The following JAG2 variants were observed in gnomAD, a reference collection of about 807,000 sequenced individuals.
The protein encoded by JAG2 is protein jagged-2.
JAG2 carries 46 observed loss-of-function variants against 141.7 expected under a neutral mutation model. The observed-to-expected ratio is 0.32, with a 90% confidence interval of 0.26 to 0.42. The LOEUF is 0.42. Ranked by LOEUF, JAG2 falls within the 10% of genes least tolerant of loss-of-function variation. The pLI is 1.00. For synonymous variants in JAG2, 862 were observed against 763.5 expected (o/e 1.13, Z -2.13); for missense variants, 1,500 against 1,817.5 (o/e 0.83, Z 3.18).
chr14:105,163,930 T>C (rs1236777174), intron 2 of JAG2, among the ~76,000 whole-genome samples: 1 of 152,010 alleles, frequency 6.6e-6, no homozygotes, highest in East Asian at 1.9e-4. Flanking sequence ...GATCCTTGTC[T>C]TCCTGCCCCC....
intron 15 of JAG2, 34 bp from the exon 16 acceptor site, chr14:105,148,473 G>A (rs200067093): frequency 2.0e-5 from 31 of 1,528,268 alleles, no homozygotes; most frequent in African/African-American, 4.1e-5. Context: ...CGGGCGGGGG[G>A]TCACCGGCGC....
At position 105,151,813 on chromosome 14, in the gene JAG2, C is replaced by A. The variant is rs1265880061; in HGVS notation, c.1040-74G>T. 6 of 1,600,944 alleles carry A rather than the reference C, an allele frequency of 3.7e-6. No individual in the cohort carries two copies. In the East Asian group the frequency reaches 1.3e-4, roughly 36 times the overall value. ...TTCCACAAGCACTCCTCCCCAAGCCCACAGGTTCCCAAGCTGGGGGTCAGG... is the reference window on the plus strand; with the variant it reads ...TTCCACAAGCACTCCTCCCCAAGCCAACAGGTTCCCAAGCTGGGGGTCAGG... On this transcript the variant is annotated intron_variant, in intron 7 of 25. Coordinates refer to ENST00000331782, the MANE Select transcript of JAG2 (RefSeq NM_002226.5).
In JAG2 at chr14:105,167,716, G is replaced by A. The variant is rs1368085759; in HGVS notation, c.417+41C>T. ...AGCGCGCGGGGCCGGGGCGCGGAGA[G>A]AGAGGGAAGGGCTGGAGCACGAGGG... On this transcript the variant is annotated intron_variant, in intron 2 of 25. Transcript: ENST00000331782. This position sits in a 1 kb window ranked among gnomAD's most constrained non-coding sequence, Gnocchi z 4.8. The A allele has an allele frequency of 3.6e-6, 5 of 1,395,214 alleles. No individual in the cohort carries two copies. Among genetic ancestry groups the A allele is most frequent in the East Asian group, 3.2e-5 (1 of 30,872 alleles). The allele number at this position is 1,395,214 out of a possible 1,614,324, so 86.4% of individuals were successfully genotyped here.
At chr14:105,143,747 A>C in intron 24 of JAG2, 109 bp from the exon 25 acceptor site, 1 of 1,356,710 alleles carries the variant, frequency 7.4e-7, no homozygotes. Flanking sequence ...GGCGCACGGG[A>C]GACGAGAGCC....
At chr14:105,143,751 G>C (rs977352380) in intron 24 of JAG2, 113 bp from the exon 25 acceptor site, 2 of 1,317,060 alleles carry the variant, frequency 1.5e-6, no homozygotes, top group Non-Finnish European at 2.1e-6. Flanking sequence ...CACGGGAGAC[G>C]AGAGCCCGGG....
intron 5 of JAG2, among the ~76,000 whole-genome samples, chr14:105,153,616 G>C (rs587700966): frequency 3.9e-5 from 6 of 152,182 alleles, no homozygotes; most frequent in Admixed American, 2.0e-4. Flanking sequence ...AGCATCCGGT[G>C]GGGGGGCGTC....
chr14:105,145,478 G>C (rs1325904053), intron 23 of JAG2, among the ~76,000 whole-genome samples: 1 of 152,210 alleles, frequency 6.6e-6, no homozygotes, highest in Non-Finnish European at 1.5e-5. Context: ...GGCGCCGTCA[G>C]TCCAGGCCCT....
At chr14:105,147,195 G>T in intron 20 of JAG2, 131 bp downstream of exon 20, 1 of 740,806 alleles carries the variant, frequency 1.3e-6, no homozygotes, top group South Asian at 1.5e-5. Context: ...GGAAACTGAG[G>T]CTCAGAAGAG....
rs201919806 is a variant in JAG2 at position 105,152,122 on chromosome 14, C to T, written c.919+39G>A. ...CCCCGCTCCCCCACAACCCACACTT[C>T]GATGGCAGAGCATTAGGCCTGCCGC... On this transcript the variant is annotated intron_variant, in intron 6 of 25. Coordinates refer to ENST00000331782, the MANE Select transcript of JAG2 (RefSeq NM_002226.5). 8 of 1,613,462 alleles carry T rather than the reference C, an allele frequency of 5.0e-6. No individual in the cohort carries two copies. In the East Asian group the frequency reaches 8.9e-5, roughly 18 times the overall value.
chr14:105,162,669 GGACACC>G (rs1888786048), intron 2 of JAG2, among the ~76,000 whole-genome samples: 1 of 146,320 alleles, frequency 6.8e-6, no homozygotes, highest in Non-Finnish European at 1.5e-5. Context: ...TTAAAGCCCA[GGACACC>G]TCAGGTCCAA....
chr14:105,147,743 GC>G, intron 18 of JAG2, 28 bp downstream of exon 18: 1 of 1,457,840 alleles, frequency 6.9e-7, no homozygotes, highest in Non-Finnish European at 9.4e-7. Flanking sequence ...GAGGAAAGCG[GC>G]CCCCGCCCAC....
chr14:105,146,790 T>A (rs1470539306), intron 20 of JAG2, 66 bp from the exon 21 acceptor site: 1 of 1,307,424 alleles, frequency 7.6e-7, no homozygotes, highest in African/African-American at 1.5e-5. Flanking sequence ...CGGCATGGCC[T>A]AGGGCAGCGG....
At chr14:105,143,460 G>T (rs768189849) in intron 25 of JAG2, 22 bp downstream of exon 25, 6 of 1,542,408 alleles carry the variant, frequency 3.9e-6, no homozygotes, top group Middle Eastern at 3.6e-4. Flanking sequence ...TGCCTTCCCA[G>T]GGGCCCACCT....
chr14:105,148,652 C>A, intron 15 of JAG2, 93 bp downstream of exon 15: 1 of 1,186,106 alleles, frequency 8.4e-7, no homozygotes, highest in South Asian at 1.3e-5. Flanking sequence ...GGGTACGGGG[C>A]CTGCCGCACC....
chr14:105,165,079 C>T (rs1445029208), intron 2 of JAG2, among the ~76,000 whole-genome samples: 1 of 152,344 alleles, frequency 6.6e-6, no homozygotes, highest in South Asian at 2.1e-4. Context: ...GAAAGACCCT[C>T]GCTGGCAGGC....
chr14:105,142,840 A>G lies in JAG2; in HGVS notation c.3572T>C (p.Leu1191Pro), dbSNP rs775909226. 6.2e-7 allele frequency: 1 copy of G among 1,610,146 alleles called. No individual in the cohort carries two copies. The highest frequency in any genetic ancestry group is 8.5e-7 in the Non-Finnish European group (1 of 1,178,650). ...GTGTGAGAGGAACTTCTCCGCCTCC[A>G]GGGAGTCCTCCTCACCGCGGCCCAG... is the stretch of plus-strand genomic sequence containing the variant. ...EDLGRGEEDSLEAEKFLSHKF... is the reference protein window; with the variant it reads ...EDLGRGEEDSPEAEKFLSHKF... Residue 1191 changes from leucine (L) to proline (P), a missense_variant, in exon 26 of 26, where the codon CTG (leucine) becomes CCG (proline). Leu to Pro is a moderately conservative substitution (Grantham distance 98, BLOSUM62 -3). This residue lies in a region of JAG2 where 425 missense variants were observed against 441.0 expected (regional missense o/e 0.96). Transcript: ENST00000331782.
intron 2 of JAG2, 171 bp from the exon 3 acceptor site, chr14:105,157,934 G>C: frequency 1.4e-6 from 1 of 690,824 alleles, no homozygotes; most frequent in Non-Finnish European, 2.6e-6. Context: ...ATCCTCTGCA[G>C]ACCCAAAAAT....
At chr14:105,168,179 G>A (rs1258802147) in intron 1 of JAG2, 72 bp from the exon 2 acceptor site, 1 of 1,308,718 alleles carries the variant, frequency 7.6e-7, no homozygotes, top group Non-Finnish European at 9.8e-7. Context: ...CAGGGGTGGG[G>A]GAACAGGCCC....
In JAG2 at chr14:105,155,896, A is replaced by T; in HGVS notation, c.569T>A (p.Leu190Gln). 6.2e-7 allele frequency: 1 copy of T among 1,612,222 alleles called. No homozygotes were observed. The highest frequency in any genetic ancestry group is 8.5e-7 in the Non-Finnish European group (1 of 1,179,780). ...SLHFSGHVAH[L>Q]ELQIRVRCDE... ...GCAGCGCACGCGGATCTGCAGCTCC[A>T]GGTGCGCCACGTGGCCGCTGAAGTG... Residue 190 changes from leucine to glutamine, a missense_variant, in exon 4 of 26, where the codon CTG becomes CAG. Physicochemically the swap from Leu to Gln is moderately radical, Grantham distance 113. Transcript: ENST00000331782.
Sources: gnomAD v4.1 joint callset for allele counts (sites outside exome capture counted in the v4.1 genomes callset) on GRCh38, gnomAD v4.1.1 for gene constraint, gnomAD v4.1.1 regional missense constraint, Gnocchi (gnomAD v3.1) non-coding constraint, MANE v1.5 for transcripts, NCBI Gene and HGNC (gene_info 2026-07-23, HGNC 2026-07-21) for gene names.